Variants in POU2F3 observed in about 807,000 individuals in gnomAD.
The protein encoded by POU2F3 is POU domain, class 2, transcription factor 3.
Under a neutral mutation model 59.2 loss-of-function variants are expected in POU2F3, and 23 were observed. The ratio of observed to expected loss-of-function variants is 0.39; its 90% CI spans 0.28 to 0.55. POU2F3 has a LOEUF of 0.55. Ranked by LOEUF, POU2F3 falls within the 20% of genes least tolerant of loss-of-function variation. POU2F3 has a pLI of 0.66. For missense variants in POU2F3, 473 were observed against 544.5 expected, an observed-to-expected ratio of 0.87 and a Z score of 1.31; for synonymous variants, 190 against 214.6, an observed-to-expected ratio of 0.89 and a Z score of 1.00.
chr11:120,251,469 G>C lies in POU2F3; in HGVS notation c.97+4952G>C, dbSNP rs568282416. Among the ~76,000 whole-genome samples, 6 of 152,330 alleles carry C rather than the reference G, an allele frequency of 3.9e-5. No individual in the cohort carries two copies. In the South Asian group the frequency reaches 6.2e-4, roughly 16 times the overall value. On this transcript the variant is annotated intron_variant, in intron 2 of 12. Coordinates refer to ENST00000543440, the MANE Select transcript of POU2F3 (RefSeq NM_014352.4). ...TGCCCAGGACTTGAATTTCTTCATC[G>C]TAATAGAAGGAGAAGGGTAGTGCAG... is the stretch of plus-strand genomic sequence containing the variant.
rs181923742 is a variant in POU2F3, at chr11:120,283,729, C to A, written c.132+14485C>A. On this transcript the variant is annotated intron_variant, in intron 3 of 12. Transcript: ENST00000543440. ...TCAGTTCAAATGCCTCATTCTCCAACTTACCCCCTCCACTACCTCCACCTG... is the reference window on the plus strand; with the variant it reads ...TCAGTTCAAATGCCTCATTCTCCAAATTACCCCCTCCACTACCTCCACCTG... Among the ~76,000 whole-genome samples the A allele has an allele frequency of 1.7e-4, 26 of 152,012 alleles. No homozygotes were observed. The East Asian group carries it at 5.0e-3, about 29-fold the overall frequency.
chr11:120,303,286 G>A (rs1941399745), intron 6 of POU2F3: 1 of 152,234 alleles, frequency 6.6e-6, no homozygotes, highest in East Asian at 1.9e-4. Context: ...GAATCTCATA[G>A]CCATGGGCTT....
intron 3 of POU2F3, among the ~76,000 whole-genome samples, chr11:120,292,056 C>T (rs1941043214): frequency 6.6e-6 from 1 of 152,304 alleles, no homozygotes; most frequent in Non-Finnish European, 1.5e-5. Context: ...GATCCACCAA[C>T]CTCAGCCTCC....
chr11:120,244,367 G>A (rs989290316), intron 1 of POU2F3, among the ~76,000 whole-genome samples: 1 of 152,146 alleles, frequency 6.6e-6, no homozygotes, highest in Non-Finnish European at 1.5e-5. Flanking sequence ...CATTTATTAG[G>A]TGCTTACTTT....
chr11:120,282,709 A>T (rs111913582), intron 3 of POU2F3, among the ~76,000 whole-genome samples: 2 of 152,360 alleles, frequency 1.3e-5, no homozygotes, highest in African/African-American at 4.8e-5. Context: ...CAGAGATCAA[A>T]GAATGAATTT....
At chr11:120,240,011 GC>G (rs1938594510), upstream of POU2F3, among the ~76,000 whole-genome samples, 2 of 152,108 alleles carry the variant, frequency 1.3e-5, no homozygotes. Flanking sequence ...AGCACCCCCG[GC>G]CCCCTCCCCA....
chr11:120,236,954 C>T (rs548042612), upstream of POU2F3, among the ~76,000 whole-genome samples: 3 of 152,274 alleles, frequency 2.0e-5, no homozygotes, highest in South Asian at 4.2e-4. Flanking sequence ...CCTTGTGGGC[C>T]TCAGGTCCCT....
At chr11:120,288,999 G>A (rs931797218) in intron 3 of POU2F3, among the ~76,000 whole-genome samples, 3 of 152,158 alleles carry the variant, frequency 2.0e-5, no homozygotes, top group Non-Finnish European at 2.9e-5. Context: ...ATATAGACAC[G>A]TGACGTTTTG....
chr11:120,236,731 A>T, upstream of POU2F3: 1 of 1,457,110 alleles, frequency 6.9e-7, no homozygotes, highest in Middle Eastern at 1.7e-4. Context: ...CTACGTTCCC[A>T]TTCTAGCTCA....
At chr11:120,298,866 G>T (rs1017186544) in intron 4 of POU2F3, among the ~76,000 whole-genome samples, 1 of 152,166 alleles carries the variant, frequency 6.6e-6, no homozygotes, top group Non-Finnish European at 1.5e-5. Flanking sequence ...TTCTCAGCAG[G>T]GATCACCTGG....
chr11:120,270,084 C>T (rs1371932129), intron 3 of POU2F3, among the ~76,000 whole-genome samples: 3 of 152,076 alleles, frequency 2.0e-5, no homozygotes, highest in African/African-American at 2.4e-5. Flanking sequence ...ACTTAGAAAG[C>T]CTGGGTTTTC....
intron 3 of POU2F3, among the ~76,000 whole-genome samples, chr11:120,274,421 C>G (rs1940238074): frequency 6.6e-6 from 1 of 152,162 alleles, no homozygotes; most frequent in Non-Finnish European, 1.5e-5. Flanking sequence ...AGAGACCCAG[C>G]TTTAAGAGAT....
At chr11:120,292,569 C>T (rs1278733397) in intron 3 of POU2F3, among the ~76,000 whole-genome samples, 4 of 152,164 alleles carry the variant, frequency 2.6e-5, no homozygotes, top group African/African-American at 4.8e-5. Context: ...AGTTCTGTGT[C>T]GTACTTTTCC....
intron 3 of POU2F3, among the ~76,000 whole-genome samples, chr11:120,294,284 G>A: frequency 6.6e-6 from 1 of 152,210 alleles, no homozygotes; most frequent in East Asian, 1.9e-4. Flanking sequence ...TCCAATAGCT[G>A]GACAGGCTGC....
At chr11:120,238,786 C>G (rs564286681), upstream of POU2F3, among the ~76,000 whole-genome samples, 77 of 132,264 alleles carry the variant, frequency 5.8e-4, no homozygotes, top group African/African-American at 2.1e-3. Context: ...GCCGAGATTG[C>G]ACCACTGCAC....
At chr11:120,307,184 C>T (rs1349325255) in intron 8 of POU2F3, among the ~76,000 whole-genome samples, 1 of 152,208 alleles carries the variant, frequency 6.6e-6, no homozygotes, top group Non-Finnish European at 1.5e-5. Flanking sequence ...CATCCCTCAG[C>T]TGTGACCCCA....
intron 2 of POU2F3, among the ~76,000 whole-genome samples, chr11:120,248,988 C>A (rs542655308): frequency 1.3e-5 from 2 of 152,294 alleles, no homozygotes; most frequent in East Asian, 1.9e-4. Flanking sequence ...CCTGAAAGCA[C>A]CCCCTGTGCT....
chr11:120,258,122 A>C (rs746802231), intron 2 of POU2F3, among the ~76,000 whole-genome samples: 7 of 152,172 alleles, frequency 4.6e-5, no homozygotes, highest in Non-Finnish European at 7.3e-5. Context: ...AGCTGCACTA[A>C]GCACATCTTT....
chr11:120,315,511 T>A, intron 11 of POU2F3, 84 bp downstream of exon 11: 1 of 1,309,836 alleles, frequency 7.6e-7, no homozygotes, highest in African/African-American at 1.5e-5. Flanking sequence ...TCTACCTAAG[T>A]CAGGCTTCCC....
Sources: gnomAD v4.1 joint callset for allele counts (sites outside exome capture counted in the v4.1 genomes callset) on GRCh38, gnomAD v4.1.1 for gene constraint, MANE v1.5 for transcripts, NCBI Gene and HGNC (gene_info 2026-07-23, HGNC 2026-07-21) for gene names.